The following ZMYM2 variants were observed in gnomAD, a reference collection of about 807,000 sequenced individuals.
The protein encoded by ZMYM2 is zinc finger MYM-type protein 2.
Under a neutral mutation model 162.8 loss-of-function variants are expected in ZMYM2, and 56 were observed. That is an observed-to-expected ratio of 0.34 (90% CI 0.28 to 0.43). ZMYM2 has a LOEUF of 0.43. ZMYM2 is among the 20% of genes least tolerant of loss of function. The pLI, the probability that ZMYM2 is intolerant of heterozygous loss-of-function variation, is 1.00. For missense variants in ZMYM2, 1,275 were observed against 1,621.8 expected (o/e 0.79, Z 3.67); for synonymous variants, 510 against 541.6 (o/e 0.94, Z 0.81).
rs1309732267 is a variant in ZMYM2, at chr13:20,066,901, T to C, written c.3183T>C (p.Ser1061=). 1.2e-6 allele frequency: 2 copies of C among 1,612,984 alleles called. No individual in the cohort carries two copies. The highest frequency in any genetic ancestry group is 2.7e-5 in the African/African-American group (2 of 74,926). ...GATACCAGTCTCATGATGATAGTTC[T>C]GACAATTCAGAATGCAGCTTTCCTT... ...VSGYQSHDDS[S]DNSECSFPFK... Residue 1061 remains serine (S), a synonymous_variant, in exon 20 of 25, where the codon TCT becomes TCC. Coordinates refer to ENST00000610343, the MANE Select transcript of ZMYM2 (RefSeq NM_197968.4).
At chr13:20,050,904 A>G (rs1400756278) in intron 12 of ZMYM2, among the ~76,000 whole-genome samples, 2 of 152,110 alleles carry the variant, frequency 1.3e-5, no homozygotes, top group Non-Finnish European at 2.9e-5. Context: ...TAAAGTTGTT[A>G]TTAAAATTAA....
intron 12 of ZMYM2, among the ~76,000 whole-genome samples, chr13:20,045,048 T>TAAAAAA: frequency 3.0e-5 from 2 of 65,718 alleles, no homozygotes; most frequent in African/African-American, 1.8e-4. Flanking sequence ...AGACTCTGTG[T>TAAAAAA]CAAAAAAAAA....
intron 6 of ZMYM2, among the ~76,000 whole-genome samples, chr13:20,016,417 T>C (rs1951633131): frequency 6.6e-6 from 1 of 152,160 alleles, no homozygotes; most frequent in African/African-American, 2.4e-5. Flanking sequence ...AAAGCAAAAA[T>C]ACAATTATAC....
chr13:20,031,527 G>A, intron 10 of ZMYM2, 92 bp downstream of exon 10: 1 of 811,400 alleles, frequency 1.2e-6, no homozygotes, highest in Non-Finnish European at 1.8e-6. Flanking sequence ...CCTATTTCTT[G>A]GTAGATAAAA....
chr13:19,901,027 A>G, the ZMYM2 span, among the ~76,000 whole-genome samples: 1 of 152,180 alleles, frequency 6.6e-6, no homozygotes, highest in African/African-American at 2.4e-5. Context: ...TTCTCTTCTC[A>G]AAATGTCTTC....
chr13:19,937,063 G>A, the ZMYM2 span, among the ~76,000 whole-genome samples: 1 of 151,506 alleles, frequency 6.6e-6, no homozygotes, highest in African/African-American at 2.4e-5. Context: ...CGCAGCTTCA[G>A]TAATATTAAA....
At chr13:19,923,025 A>G in the ZMYM2 span, among the ~76,000 whole-genome samples, 1 of 146,662 alleles carries the variant, frequency 6.8e-6, no homozygotes, top group Non-Finnish European at 1.5e-5. Flanking sequence ...TCCATCTCAA[A>G]AAAAAAAAAA....
the ZMYM2 span, among the ~76,000 whole-genome samples, chr13:19,902,314 T>C: frequency 6.6e-6 from 1 of 152,208 alleles, no homozygotes; most frequent in African/African-American, 2.4e-5. Flanking sequence ...TCTAGAGATC[T>C]GTTACAAAAC....
intron 23 of ZMYM2, 120 bp downstream of exon 23, chr13:20,083,152 T>C (rs934918518): frequency 1.2e-5 from 12 of 1,015,018 alleles, no homozygotes; most frequent in Non-Finnish European, 5.6e-6. Context: ...AACCTCTACC[T>C]CCTGGGTTCA....
chr13:20,063,546 C>T (rs940281070), intron 18 of ZMYM2, among the ~76,000 whole-genome samples: 2 of 150,488 alleles, frequency 1.3e-5, no homozygotes, highest in South Asian at 2.1e-4. Context: ...TTTGGGAGGC[C>T]GAGGTGGGTG....
intron 9 of ZMYM2, among the ~76,000 whole-genome samples, chr13:20,030,316 C>T (rs1370355669): frequency 4.0e-5 from 6 of 148,778 alleles, no homozygotes; most frequent in Non-Finnish European, 1.5e-5. Context: ...CTGCAACCTC[C>T]GCCTCCTGGG....
intron 21 of ZMYM2, among the ~76,000 whole-genome samples, chr13:20,076,943 C>G (rs1283959096): frequency 6.7e-6 from 1 of 150,362 alleles, no homozygotes; most frequent in African/African-American, 2.5e-5. Flanking sequence ...TCAAGTGATT[C>G]TCCTGCCTCA....
intron 17 of ZMYM2, 83 bp from the exon 18 acceptor site, chr13:20,062,763 A>G: frequency 7.5e-7 from 1 of 1,328,724 alleles, no homozygotes; most frequent in South Asian, 1.8e-5. Flanking sequence ...TTAAAATTAA[A>G]TGACTTGCTT....
At chr13:20,006,726 G>A in intron 6 of ZMYM2, 140 bp downstream of exon 6, 1 of 896,820 alleles carries the variant, frequency 1.1e-6, no homozygotes, top group Non-Finnish European at 1.7e-6. Flanking sequence ...ATATCATGGA[G>A]CATACTGAAT....
rs754909177 is a variant in ZMYM2, at chr13:20,037,213, ATTTTTTT to A, written c.2292+322_2292+328del. ...TTGTGTCTTTATTTCACTAAGTAGAATTTTTTTTTTTTTTTTTTTTTTTTGAGATGAA... is the reference window on the plus strand; with the variant it reads ...TTGTGTCTTTATTTCACTAAGTAGAATTTTTTTTTTTTTTTTTGAGATGAA... On this transcript the variant is annotated intron_variant, in intron 12 of 24. Transcript: ENST00000610343. 1.1e-4 allele frequency among the ~76,000 whole-genome samples: 10 copies of A among 90,388 alleles called. No homozygotes were observed. The South Asian group carries it at 1.9e-3, about 17-fold the overall frequency. 59.3% of individuals were successfully genotyped at this position (90,388 alleles called of 152,430 possible). A position where few individuals can be genotyped will look rare whatever the true frequency, so the allele number is the denominator to read the frequency against.
chr13:19,884,645 G>C, the ZMYM2 span, among the ~76,000 whole-genome samples: 2 of 151,946 alleles, frequency 1.3e-5, no homozygotes, highest in South Asian at 2.1e-4. Context: ...ACTTAGTTTG[G>C]TCCTTCCGGT....
chr13:20,026,446 G>A (rs1952588813), intron 7 of ZMYM2, 166 bp from the exon 8 acceptor site: 6 of 560,926 alleles, frequency 1.1e-5, no homozygotes, highest in Non-Finnish European at 1.8e-5. Flanking sequence ...CTTAGCAGTT[G>A]TTGCATAGTT....
At chr13:20,034,429 C>A in intron 11 of ZMYM2, 25 bp downstream of exon 11, 2 of 1,478,772 alleles carry the variant, frequency 1.4e-6, no homozygotes, top group Non-Finnish European at 1.8e-6. Context: ...CAGTGTTGTT[C>A]ATAACATTTA....
At chr13:19,923,356 CAAAAAAAAAA>C in the ZMYM2 span, among the ~76,000 whole-genome samples, 22 of 57,368 alleles carry the variant, frequency 3.8e-4, no homozygotes, top group African/African-American at 2.9e-4. Context: ...GACTCCGTCG[CAAAAAAAAAA>C]AAAAAAAAAA....
Sources: allele counts gnomAD v4.1 joint callset (sites outside exome capture counted in the v4.1 genomes callset), GRCh38; gene constraint gnomAD v4.1.1; transcripts MANE v1.5; gene names NCBI Gene and HGNC (gene_info 2026-07-23, HGNC 2026-07-21).